IBTK: variants seen among roughly 807,000 people sequenced by gnomAD.
IBTK encodes the protein inhibitor of Bruton tyrosine kinase.
Under a neutral mutation model 154.9 loss-of-function variants are expected in IBTK, and 83 were observed. The observed-to-expected ratio is 0.54, with a 90% CI of 0.45 to 0.64. IBTK has a LOEUF of 0.64. IBTK is among the 30% of genes least tolerant of loss of function. IBTK has a pLI of 0.00. For missense variants in IBTK, 1,332 were observed against 1,584.6 expected, an observed-to-expected ratio of 0.84 and a Z score of 2.71; for synonymous variants, 515 against 536.1, an observed-to-expected ratio of 0.96 and a Z score of 0.54.
chr6:82,216,207 A>T lies in IBTK; in HGVS notation c.1470T>A (p.Tyr490Ter), dbSNP rs757605847. ...CATACACACTATTTATATCAGAGAC[A>T]TAAGACACATCTGATGAGGAATTGT... The part of the protein sequence containing the change: ...NLHNSSSDVS[Y>*]VSDINSVYER... Residue 490 changes from tyrosine to a stop codon, truncating the protein, a stop_gained, in exon 11 of 29, where the codon TAT (tyrosine) becomes TAA (stop). Coordinates refer to ENST00000306270, the MANE Select transcript of IBTK (RefSeq NM_015525.4). LOFTEE classifies it high-confidence loss of function. The T allele has an allele frequency of 6.2e-6, 10 of 1,603,076 alleles. No homozygotes were observed. The highest frequency in any genetic ancestry group is 8.5e-6 in the Non-Finnish European group (10 of 1,175,986).
chr6:82,227,430 T>C, intron 4 of IBTK, 128 bp from the exon 5 acceptor site: 1 of 462,488 alleles, frequency 2.2e-6, no homozygotes. Flanking sequence ...TATAAGACTT[T>C]AATTTCCACA....
chr6:82,201,671 C>T (rs1769216118), intron 18 of IBTK, among the ~76,000 whole-genome samples, 189 bp from the exon 19 acceptor site: 1 of 152,054 alleles, frequency 6.6e-6, no homozygotes, highest in Non-Finnish European at 1.5e-5. Flanking sequence ...TTCAAATAAA[C>T]AGCAAAGCAA....
At chr6:82,176,738 A>T (rs1005745332) in intron 26 of IBTK, among the ~76,000 whole-genome samples, 3 of 152,116 alleles carry the variant, frequency 2.0e-5, no homozygotes, top group African/African-American at 7.2e-5. Context: ...TTGGAAAAAA[A>T]TCACATTTTC....
Position 82,223,591 on chromosome 6 carries a change from A to G in IBTK, c.973T>C (p.Cys325Arg). 6.2e-7 allele frequency: 1 copy of G among 1,613,192 alleles called. No homozygotes were observed. Among genetic ancestry groups the G allele is most frequent in the Non-Finnish European group, 8.5e-7 (1 of 1,179,692 alleles). Residue 325 changes from cysteine to arginine, a missense_variant, in exon 8 of 29, where the codon TGT (cysteine) becomes CGT (arginine). Cys to Arg is a radical substitution (Grantham distance 180). Around this residue, in one of 3 missense-constraint regions of IBTK, gnomAD observed 1,134 missense variants for 1,274.7 expected, o/e 0.89. Transcript: ENST00000306270. ...GCLLDPNGEK[C>R]VTAPRQVSAL... ...GAGACCTGACGAGGAGCAGTTACAC[A>G]CTTTTCTCCATTGGGATCTAGCAAA...
intron 19 of IBTK, 138 bp downstream of exon 19, chr6:82,201,284 G>T: frequency 6.2e-6 from 3 of 480,634 alleles, no homozygotes; most frequent in African/African-American, 2.0e-5. Context: ...ATCTGTAAAG[G>T]AATCCTATAT....
At chr6:82,227,098 C>T in intron 5 of IBTK, 94 bp downstream of exon 5, 7 of 719,388 alleles carry the variant, frequency 9.7e-6, no homozygotes, top group Admixed American at 5.0e-5. Flanking sequence ...TTATTTCGTC[C>T]TTACAGTTGA....
intron 28 of IBTK, 26 bp from the exon 29 acceptor site, chr6:82,171,582 T>G: frequency 6.4e-7 from 1 of 1,552,102 alleles, no homozygotes; most frequent in Non-Finnish European, 8.7e-7. Context: ...GAAAGAAGAC[T>G]CTTTACTCTT....
chr6:82,210,567 A>C (rs766909264), intron 16 of IBTK: 1 of 175,076 alleles, frequency 5.7e-6, no homozygotes, highest in Non-Finnish European at 1.2e-5. Flanking sequence ...GGCTCACGCT[A>C]TAATCCTAGC....
chr6:82,173,016 TTTTGAGACAGAGTCTCA>T (rs1178008259), intron 27 of IBTK: 1 of 152,338 alleles, frequency 6.6e-6, no homozygotes, highest in Non-Finnish European at 1.4e-5. Flanking sequence ...TTTTTTTTTT[TTTTGAGACAGAGTCTCA>T]CTGTGTCGCC....
At chr6:82,203,164 G>A (rs1258662880) in intron 17 of IBTK, among the ~76,000 whole-genome samples, 1 of 151,880 alleles carries the variant, frequency 6.6e-6, no homozygotes, top group Non-Finnish European at 1.5e-5. Context: ...TACATATTTT[G>A]AAAATACGTA....
At chr6:82,213,320 C>T (rs2127814512) in intron 12 of IBTK, among the ~76,000 whole-genome samples, 1 of 152,244 alleles carries the variant, frequency 6.6e-6, no homozygotes, top group South Asian at 2.1e-4. Flanking sequence ...TGAGCCACCG[C>T]GCCCGGCCCC....
rs527860973 is a variant in IBTK at position 82,233,923 on chromosome 6, G to A, written c.418+236C>T. ...TAACTTTTGTATTTTTAGTAGAGAC[G>A]GGGTTGTACCATGTTGGTCAGGCTC... is the stretch of plus-strand genomic sequence containing the variant. On this transcript the variant is annotated intron_variant, in intron 3 of 28. Coordinates refer to ENST00000306270, the MANE Select transcript of IBTK (RefSeq NM_015525.4). Among the ~76,000 whole-genome samples the A allele has an allele frequency of 1.3e-3, 191 of 152,014 alleles. 2 individuals carry two copies. Among genetic ancestry groups the A allele is most frequent in the African/African-American group, 4.2e-3 (174 of 41,460 alleles).
Position 82,211,499 on chromosome 6 carries a change from C to A in IBTK, c.2365G>T (p.Ala789Ser), listed in dbSNP as rs1437866852. The A allele has an allele frequency of 5.6e-6, 9 of 1,613,110 alleles. No homozygotes were observed. The highest frequency in any genetic ancestry group is 8.5e-7 in the Non-Finnish European group (1 of 1,179,264). The part of the protein sequence containing the change: ...EFPCHKCVLC[A>S]RLEYFHSMLS... ...TAAAAAGTGCACCTACCAAGTCTAG[C>A]ACAAAGAACACATTTATGACAAGGA... The change falls in exon 14 of 29, where the codon GCT becomes TCT. Residue 789 changes from alanine to serine, a missense_variant. Transcript: ENST00000306270.
chr6:82,220,078 C>G (rs1770040110), intron 9 of IBTK, among the ~76,000 whole-genome samples: 1 of 151,936 alleles, frequency 6.6e-6, no homozygotes, highest in South Asian at 2.1e-4. Context: ...GGCGTAGTGG[C>G]ACATGCTTGT....
At position 82,200,448 on chromosome 6, in the gene IBTK, T is replaced by C. The variant is rs1041349639; in HGVS notation, c.2912+139A>G. Reference sequence around the variant, plus strand: ...TTAAGAATGAGCGTAACTACCTATTTCTTATGTCAGAATTTCTCAATTTCA... The same window carrying C: ...TTAAGAATGAGCGTAACTACCTATTCCTTATGTCAGAATTTCTCAATTTCA... On this transcript the variant is annotated intron_variant, in intron 20 of 28. Transcript: ENST00000306270. 6 of 864,842 alleles carry C rather than the reference T, an allele frequency of 6.9e-6. No individual in the cohort carries two copies. The Admixed American group carries it at 1.5e-4, about 21-fold the overall frequency. 53.6% of individuals were successfully genotyped at this position (864,842 alleles called of 1,614,324 possible). A position where few individuals can be genotyped will look rare whatever the true frequency, so the allele number is the denominator to read the frequency against.
At position 82,211,379 on chromosome 6, in the gene IBTK, G is replaced by C. The variant is rs1769630312; in HGVS notation, c.2400C>G (p.Ser800Arg). 1 of 1,605,142 alleles carries C rather than the reference G, an allele frequency of 6.2e-7. No homozygotes were observed. Among genetic ancestry groups the C allele is most frequent in the Non-Finnish European group, 8.5e-7 (1 of 1,176,962 alleles). ...RLEYFHSMLSSSWIEASSCAA... is the reference protein window; with the variant it reads ...RLEYFHSMLSRSWIEASSCAA... Reference sequence around the variant, plus strand: ...ACTTAAATCTTACCTCAATCCATGAGCTACTCAGCATACTATGAAAATATT... The same window carrying C: ...ACTTAAATCTTACCTCAATCCATGACCTACTCAGCATACTATGAAAATATT... The change falls in exon 15 of 29, where the codon AGC (serine) becomes AGG (arginine). Residue 800 changes from serine (S) to arginine (R), a missense_variant. This residue lies in a region of IBTK where 1,134 missense variants were observed against 1,274.7 expected (regional missense o/e 0.89). Transcript: ENST00000306270.
intron 16 of IBTK, among the ~76,000 whole-genome samples, chr6:82,209,724 T>A (rs1769554963): frequency 6.6e-6 from 1 of 152,190 alleles, no homozygotes; most frequent in African/African-American, 2.4e-5. Flanking sequence ...TGCAAATAAT[T>A]TCTCGATTTT....
intron 1 of IBTK, among the ~76,000 whole-genome samples, chr6:82,244,211 T>C (rs1350661047): frequency 6.6e-6 from 1 of 152,248 alleles, no homozygotes; most frequent in African/African-American, 2.4e-5. Context: ...ATAGTTTTCA[T>C]TACTATTGTT....
In IBTK at chr6:82,171,485, A is replaced by G. The variant is rs1328335345; in HGVS notation, c.4002T>C (p.Ile1334=). The G allele has an allele frequency of 2.5e-6, 4 of 1,613,230 alleles. No individual in the cohort carries two copies. The change falls in exon 29 of 29, where the codon ATT becomes ATC. Residue 1334 remains isoleucine (I), a synonymous_variant. Coordinates refer to ENST00000306270, the MANE Select transcript of IBTK (RefSeq NM_015525.4). ...GTGGTCCCTGCGGTGTCCTTTCAAC[A>G]ATGACAAACTCTTCAGGGTTGCCAA... ...EAFGNPEEFV[I]VERTPQGPLA... is the part of the protein sequence containing the mutation.
Sources: allele counts gnomAD v4.1 joint callset (sites outside exome capture counted in the v4.1 genomes callset), GRCh38; gene constraint gnomAD v4.1.1; regional missense constraint gnomAD v4.1.1; transcripts MANE v1.5; gene names NCBI Gene and HGNC (gene_info 2026-07-23, HGNC 2026-07-21).